CPAP: variants seen among roughly 807,000 people sequenced by gnomAD.
CPAP encodes the protein centrosome assembly and centriole elongation protein.
chr13:24,907,964 A>C, the CPAP span: 1 of 1,220,990 alleles, frequency 8.2e-7, no homozygotes, highest in Admixed American at 1.7e-5. Flanking sequence ...TCAATAATAA[A>C]GGCTAGCTAT....
chr13:24,908,186 G>A, the CPAP span: 3 of 1,190,988 alleles, frequency 2.5e-6, no homozygotes, highest in Non-Finnish European at 3.7e-6. Context: ...CTTAAAACAT[G>A]AGAATTCTAC....
the CPAP span, among the ~76,000 whole-genome samples, chr13:24,925,481 G>A: frequency 6.6e-6 from 1 of 152,162 alleles, no homozygotes; most frequent in Non-Finnish European, 1.5e-5. Flanking sequence ...ATGATGGTGT[G>A]CACCTGTAGC....
chr13:24,919,610 TG>T, the CPAP span, among the ~76,000 whole-genome samples: 1 of 152,032 alleles, frequency 6.6e-6, no homozygotes, highest in East Asian at 1.9e-4. Context: ...TTGTAAAGAG[TG>T]GTCCCCCTGT....
At chr13:24,905,575 C>CAT in the CPAP span, 1 of 1,614,194 alleles carries the variant, frequency 6.2e-7, no homozygotes, top group Non-Finnish European at 8.5e-7. Flanking sequence ...ATGTCTGCGG[C>CAT]GTCCCATAAG....
At chr13:24,907,986 G>T in the CPAP span, 1 of 1,379,820 alleles carries the variant, frequency 7.2e-7, no homozygotes, top group Non-Finnish European at 1.0e-6. Flanking sequence ...GTACTAAATA[G>T]TCACATTTCT....
At chr13:24,906,719 T>C in the CPAP span, 1 of 1,614,214 alleles carries the variant, frequency 6.2e-7, no homozygotes, top group Non-Finnish European at 8.5e-7. Context: ...TTTACTGTCC[T>C]TTTTAAGGAT....
the CPAP span, among the ~76,000 whole-genome samples, chr13:24,890,430 G>A: frequency 3.9e-5 from 6 of 152,102 alleles, no homozygotes; most frequent in Non-Finnish European, 7.4e-5. Context: ...ATGGCCCTAC[G>A]GGTCCTCGAC....
the CPAP span, among the ~76,000 whole-genome samples, chr13:24,932,395 T>C: frequency 4.6e-5 from 7 of 152,380 alleles, no homozygotes; most frequent in African/African-American, 1.7e-4. Flanking sequence ...GAGAATCACT[T>C]GAACCGGGAG....
the CPAP span, chr13:24,932,884 A>C: frequency 3.3e-3 from 2,160 of 662,492 alleles, 39 homozygotes; most frequent in African/African-American, 0.036. Context: ...TCAATTTACA[A>C]CATGATTACA....
At chr13:24,905,694 T>C in the CPAP span, 1 of 1,614,234 alleles carries the variant, frequency 6.2e-7, no homozygotes, top group Non-Finnish European at 8.5e-7. Flanking sequence ...GATGAGGATC[T>C]CGAGGGCTCA....
chr13:24,884,862 A>T, the CPAP span, among the ~76,000 whole-genome samples: 4 of 152,234 alleles, frequency 2.6e-5, no homozygotes, highest in Admixed American at 2.6e-4. Context: ...CCTGAGGAAA[A>T]AATTCCCTCA....
chr13:24,917,933 C>T, the CPAP span, among the ~76,000 whole-genome samples: 1 of 152,176 alleles, frequency 6.6e-6, no homozygotes, highest in African/African-American at 2.4e-5. Context: ...AGCATTAATC[C>T]ATTCATTAGG....
the CPAP span, among the ~76,000 whole-genome samples, chr13:24,893,530 C>A: frequency 1.3e-5 from 2 of 152,230 alleles, no homozygotes; most frequent in Non-Finnish European, 2.9e-5. Context: ...GCGGCAGCCA[C>A]ACGGCAGCCT....
chr13:24,919,751 T>C, the CPAP span, among the ~76,000 whole-genome samples: 1 of 151,480 alleles, frequency 6.6e-6, no homozygotes, highest in South Asian at 2.1e-4. Flanking sequence ...TTTAGCTAGA[T>C]ATGAAAACAT....
At chr13:24,903,048 T>C in the CPAP span, among the ~76,000 whole-genome samples, 1 of 152,210 alleles carries the variant, frequency 6.6e-6, no homozygotes, top group African/African-American at 2.4e-5. Flanking sequence ...TATTCACAAG[T>C]ACAATTAAAA....
At chr13:24,913,163 C>G in the CPAP span, 2 of 700,648 alleles carry the variant, frequency 2.9e-6, no homozygotes, top group South Asian at 3.6e-5. Context: ...TGAGCCCAAA[C>G]CTCAACCCAG....
the CPAP span, chr13:24,908,061 G>C: frequency 5.6e-6 from 9 of 1,612,840 alleles, no homozygotes; most frequent in South Asian, 1.1e-5. Flanking sequence ...TCATGTTTTT[G>C]TAAGTTCTTA....
the CPAP span, among the ~76,000 whole-genome samples, chr13:24,890,477 C>CA: frequency 3.3e-5 from 5 of 152,336 alleles, no homozygotes; most frequent in African/African-American, 4.8e-5. Context: ...CCTCTGGGCC[C>CA]ACGCTGTCCT....
At chr13:24,929,901 ATTTTTT>A in the CPAP span, among the ~76,000 whole-genome samples, 4 of 100,930 alleles carry the variant, frequency 4.0e-5, no homozygotes, top group African/African-American at 8.0e-5. Context: ...TCACTTGTGA[ATTTTTT>A]TTTTTTTTTT....
Sources: allele counts gnomAD v4.1 joint callset (sites outside exome capture counted in the v4.1 genomes callset), GRCh38; gene constraint gnomAD v4.1.1; transcripts MANE v1.5; gene names NCBI Gene and HGNC (gene_info 2026-07-23, HGNC 2026-07-21).